PDE4B: variants seen among roughly 807,000 people sequenced by gnomAD.
PDE4B encodes 3',5'-cyclic-AMP phosphodiesterase 4B.
PDE4B carries 20 observed loss-of-function variants against 82.2 expected under a neutral mutation model. The ratio of observed to expected loss-of-function variants is 0.24; its 90% CI spans 0.17 to 0.35. The LOEUF (loss-of-function observed/expected upper bound fraction) is 0.35, where lower values mean the gene tolerates loss of function less well. PDE4B is among the 10% of genes least tolerant of loss of function. The probability of loss-of-function intolerance (pLI) is 1.00; values close to 1 mark genes in which losing one functional copy is unlikely to be tolerated. For synonymous variants in PDE4B, 320 were observed against 318.9 expected (o/e 1.00, Z -0.04); for missense variants, 655 against 907.2 (o/e 0.72, Z 3.57).
At chr1:66,196,981 AGAAACATAAGAGCTCAG>A (rs1319434684) in intron 3 of PDE4B, among the ~76,000 whole-genome samples, 1 of 152,192 alleles carries the variant, frequency 6.6e-6, no homozygotes, top group Non-Finnish European at 1.5e-5. Context: ...ATAACAAAAA[AGAAACATAAGAGCTCAG>A]GATAAAGAAA....
At chr1:66,170,467 C>T (rs989042152) in intron 3 of PDE4B, among the ~76,000 whole-genome samples, 1 of 152,006 alleles carries the variant, frequency 6.6e-6, no homozygotes, top group African/African-American at 2.4e-5. Flanking sequence ...GTCAGGCTAC[C>T]ATCTGTGAAT....
chr1:66,192,566 C>A (rs1002526870), intron 3 of PDE4B, among the ~76,000 whole-genome samples: 1 of 152,086 alleles, frequency 6.6e-6, no homozygotes, highest in Non-Finnish European at 1.5e-5. Context: ...CATATTTATA[C>A]CCATTACCCC....
rs1427132562 is a variant in PDE4B at position 66,018,058 on chromosome 1, T to G, written c.281+99223T>G. On this transcript the variant is annotated intron_variant, in intron 3 of 16. Coordinates refer to ENST00000341517, the MANE Select transcript of PDE4B (RefSeq NM_002600.4). Reference sequence around the variant, plus strand: ...AGAAGTTAGTTTTTTCTTTTAGTGTTACTCTTGTAACAGGATGTATTTAAC... The same window carrying G: ...AGAAGTTAGTTTTTTCTTTTAGTGTGACTCTTGTAACAGGATGTATTTAAC... Among the ~76,000 whole-genome samples, 9 of 152,294 alleles carry G rather than the reference T, an allele frequency of 5.9e-5. No individual in the cohort carries two copies. In the East Asian group the frequency reaches 1.5e-3, roughly 26 times the overall value.
At chr1:66,186,587 C>A (rs1328488928) in intron 3 of PDE4B, among the ~76,000 whole-genome samples, 1 of 152,164 alleles carries the variant, frequency 6.6e-6, no homozygotes, top group Non-Finnish European at 1.5e-5. Context: ...ATTTTATTCT[C>A]TTTGAAGCAA....
chr1:65,857,995 T>C (rs1372779237), intron 1 of PDE4B, among the ~76,000 whole-genome samples: 1 of 152,204 alleles, frequency 6.6e-6, no homozygotes, highest in Non-Finnish European at 1.5e-5. Context: ...AGCTTTCTTT[T>C]GTATTCAAAC....
chr1:65,957,866 C>T (rs1649337166), intron 3 of PDE4B, among the ~76,000 whole-genome samples: 1 of 152,068 alleles, frequency 6.6e-6, no homozygotes, highest in Admixed American at 6.6e-5. Flanking sequence ...TTTGACATTA[C>T]AACCAGCTGT....
intron 3 of PDE4B, chr1:65,993,225 C>A: frequency 9.2e-7 from 1 of 1,084,182 alleles, no homozygotes; most frequent in Non-Finnish European, 1.3e-6. Context: ...GAAAATGGAA[C>A]ATTTGAGTTT....
chr1:66,363,880 A>T (rs895578710), intron 12 of PDE4B, among the ~76,000 whole-genome samples: 2 of 152,230 alleles, frequency 1.3e-5, no homozygotes, highest in Non-Finnish European at 2.9e-5. Flanking sequence ...TATAAAATGT[A>T]TCACATCCAT....
chr1:65,931,629 TCAA>T (rs1647839110), intron 3 of PDE4B, among the ~76,000 whole-genome samples: 2 of 152,252 alleles, frequency 1.3e-5, no homozygotes, highest in South Asian at 2.1e-4. Context: ...ACCCACCAAT[TCAA>T]CAACAACTCA....
intron 3 of PDE4B, among the ~76,000 whole-genome samples, chr1:66,182,195 G>T (rs796717608): frequency 1.3e-5 from 2 of 152,048 alleles, no homozygotes; most frequent in South Asian, 2.1e-4. Flanking sequence ...TTGTCACAGG[G>T]TTTTTCGGTG....
intron 7 of PDE4B, among the ~76,000 whole-genome samples, chr1:66,273,920 G>A (rs540568007): frequency 2.8e-4 from 43 of 152,322 alleles, no homozygotes; most frequent in Middle Eastern, 3.4e-3. Flanking sequence ...GACTTTCAAG[G>A]CACTTGAAGT....
chr1:66,005,543 G>A (rs566668917), intron 3 of PDE4B, among the ~76,000 whole-genome samples: 1 of 152,220 alleles, frequency 6.6e-6, no homozygotes, highest in South Asian at 2.1e-4. Context: ...GCAGGAAAAA[G>A]TTATATCTTT....
chr1:66,160,985 CAT>C (rs757307555), intron 3 of PDE4B, among the ~76,000 whole-genome samples: 9 of 152,190 alleles, frequency 5.9e-5, no homozygotes, highest in Non-Finnish European at 1.0e-4. Flanking sequence ...TCCTAAAAGA[CAT>C]GTGTGCATTG....
At chr1:66,173,814 C>T (rs1285034557) in intron 3 of PDE4B, among the ~76,000 whole-genome samples, 3 of 152,188 alleles carry the variant, frequency 2.0e-5, no homozygotes, top group African/African-American at 4.8e-5. Flanking sequence ...GATGCAGAGT[C>T]TTGCTGTGTC....
At chr1:65,894,128 C>T (rs535269340) in intron 1 of PDE4B, among the ~76,000 whole-genome samples, 3 of 151,870 alleles carry the variant, frequency 2.0e-5, no homozygotes, top group Admixed American at 6.6e-5. Context: ...ACTACCTGTA[C>T]CCCAAACAAC....
intron 3 of PDE4B, among the ~76,000 whole-genome samples, chr1:65,975,064 G>A (rs1650337497): frequency 6.6e-6 from 1 of 152,190 alleles, no homozygotes; most frequent in African/African-American, 2.4e-5. Context: ...GGAAGATGTG[G>A]GAAAGTGTTG....
In PDE4B at chr1:66,355,606, C is replaced by G; in HGVS notation, c.827C>G (p.Ser276Ter). The part of the protein sequence containing the change: ...RSGNQVSEYI[S>*]NTFLDKQNDV... ...GGGAACCAGGTGTCTGAATACATTT[C>G]AAATACTTTCTTAGGTAAGATATTA... Residue 276 changes from serine (S) to a stop codon, truncating the protein, a stop_gained, in exon 9 of 17, where the codon TCA (serine) becomes TGA (stop). Transcript: ENST00000341517. LOFTEE classifies it high-confidence loss of function. 6.2e-7 allele frequency: 1 copy of G among 1,600,684 alleles called. No individual in the cohort carries two copies.
intron 3 of PDE4B, among the ~76,000 whole-genome samples, chr1:66,111,846 T>C (rs1185197344): frequency 6.6e-6 from 1 of 152,110 alleles, no homozygotes; most frequent in East Asian, 1.9e-4. Context: ...TTATGGTTTC[T>C]TACCAAAAAT....
chr1:66,122,777 C>T (rs1001760978), intron 3 of PDE4B, among the ~76,000 whole-genome samples: 4 of 141,496 alleles, frequency 2.8e-5, no homozygotes, highest in Non-Finnish European at 6.0e-5. Flanking sequence ...GAGATCTTGG[C>T]TCACTGCAAC....
Sources: allele counts gnomAD v4.1 joint callset (sites outside exome capture counted in the v4.1 genomes callset), GRCh38; gene constraint gnomAD v4.1.1; transcripts MANE v1.5; gene names NCBI Gene and HGNC (gene_info 2026-07-23, HGNC 2026-07-21).